TRAF6: variants seen among roughly 807,000 people sequenced by gnomAD.
The protein encoded by TRAF6 is TNF receptor-associated factor 6.
In TRAF6, 10 loss-of-function variants were observed where a neutral mutation model predicts 48.4. That is an observed-to-expected ratio of 0.21 (90% CI 0.13 to 0.35). The LOEUF (loss-of-function observed/expected upper bound fraction) is 0.35. Among genes scored for constraint, TRAF6 ranks in the 10% least tolerant of loss-of-function variants. The pLI is 1.00. For synonymous variants in TRAF6, 186 were observed against 219.6 expected (o/e 0.85, Z 1.35); for missense variants, 397 against 661.0 (o/e 0.60, Z 4.38).
rs1253562505 is a variant in TRAF6, at chr11:36,487,107, AAAC to A, written c.*2728_*2730del. 1.3e-5 allele frequency: 2 copies of A among 152,216 alleles called. No homozygotes were observed. The highest frequency in any genetic ancestry group is 2.4e-5 in the African/African-American group (1 of 41,444). The allele number at this position is 152,216 out of a possible 1,614,324, so 9.4% of individuals were successfully genotyped here. ...CTGTCTCAAAACAAAAAACAAAACA[AAAC>A]AACCTTTAGTTGAACATCTCCAGAA... On this transcript the variant is annotated 3_prime_UTR_variant, in exon 7 of 7. Transcript: ENST00000526995.
In TRAF6 at chr11:36,489,029, T is replaced by A. The variant is rs1291999276; in HGVS notation, c.*809A>T. On this transcript the variant is annotated 3_prime_UTR_variant, in exon 7 of 7. Coordinates refer to ENST00000526995, the MANE Select transcript of TRAF6 (RefSeq NM_004620.4). ...ACAAATGAAGACATATGCAGAGCTG[T>A]GAAATTCACTCTGCACTGAATAGAC... The A allele has an allele frequency of 6.6e-6, 1 of 152,220 alleles. No homozygotes were observed. The highest frequency in any genetic ancestry group is 1.5e-5 in the Non-Finnish European group (1 of 68,034). 9.4% of individuals were successfully genotyped at this position (152,220 alleles called of 1,614,324 possible). A position where few individuals can be genotyped will look rare whatever the true frequency, so the allele number is the denominator to read the frequency against.
At chr11:36,501,969 A>C (rs545325329) in intron 1 of TRAF6, among the ~76,000 whole-genome samples, 1 of 152,366 alleles carries the variant, frequency 6.6e-6, no homozygotes, top group South Asian at 2.1e-4. Flanking sequence ...TTTTTCATAC[A>C]GTAAGTGTTC....
chr11:36,509,249 C>T (rs1859860758), intron 1 of TRAF6, among the ~76,000 whole-genome samples: 1 of 152,186 alleles, frequency 6.6e-6, no homozygotes. Flanking sequence ...TACCATACAG[C>T]GAAGCTGCTA....
intron 1 of TRAF6, among the ~76,000 whole-genome samples, chr11:36,502,455 TG>T (rs1345758800): frequency 6.6e-6 from 1 of 152,146 alleles, no homozygotes; most frequent in Non-Finnish European, 1.5e-5. Context: ...TAACCACAAC[TG>T]TATTTTAAAT....
intron 1 of TRAF6, among the ~76,000 whole-genome samples, chr11:36,508,063 C>T (rs1859831766): frequency 6.6e-6 from 1 of 151,706 alleles, no homozygotes; most frequent in South Asian, 2.1e-4. Flanking sequence ...TGCCATATTG[C>T]CCAGGCTGGT....
intron 2 of TRAF6, 99 bp from the exon 3 acceptor site, chr11:36,498,739 C>T: frequency 7.8e-7 from 1 of 1,276,352 alleles, no homozygotes; most frequent in Non-Finnish European, 1.1e-6. Flanking sequence ...TTTACTGTTT[C>T]ATAAGTAAAA....
At position 36,491,404 on chromosome 11, in the gene TRAF6, A is replaced by C. The variant is rs184773090; in HGVS notation, c.757-754T>G. Among the ~76,000 whole-genome samples the C allele has an allele frequency of 3.1e-4, 47 of 152,272 alleles. 1 individual carries two copies. In the East Asian group the frequency reaches 6.2e-3, roughly 20 times the overall value. On this transcript the variant is annotated intron_variant, in intron 6 of 6. Coordinates refer to ENST00000526995, the MANE Select transcript of TRAF6 (RefSeq NM_004620.4). ...CTCACCTAACTTCCATTAACATTTT[A>C]TTTCTTTCTTTTTCTCTAAGCACAA... is the stretch of plus-strand genomic sequence containing the variant.
rs1484279028 is a variant in TRAF6 at position 36,493,083 on chromosome 11, A to G, written c.679-455T>C. 1.3e-5 allele frequency among the ~76,000 whole-genome samples: 2 copies of G among 152,160 alleles called. 1 individual carries two copies. The highest frequency in any genetic ancestry group is 1.3e-4 in the Admixed American group (2 of 15,272). ...AAAAATCATCTTTGACCACCTTTCA[A>G]CAATCTTCTTAACTTTTGTTAAGCT... On this transcript the variant is annotated intron_variant, in intron 5 of 6. Transcript: ENST00000526995.
rs1376075818 is a variant in TRAF6, at chr11:36,489,768, G to A, written c.*70C>T. On this transcript the variant is annotated 3_prime_UTR_variant, in exon 7 of 7. Coordinates refer to ENST00000526995, the MANE Select transcript of TRAF6 (RefSeq NM_004620.4). ...TTTCCCGTGGCTTGTTTGTTTGCATGTTATTGAGAACAGGGCAAGGAAAGG... is the reference window on the plus strand; with the variant it reads ...TTTCCCGTGGCTTGTTTGTTTGCATATTATTGAGAACAGGGCAAGGAAAGG... The A allele has an allele frequency of 3.4e-6, 5 of 1,461,090 alleles. No individual in the cohort carries two copies. In the African/African-American group the frequency reaches 5.7e-5, roughly 17 times the overall value. 90.5% of individuals were successfully genotyped at this position (1,461,090 alleles called of 1,614,324 possible). A position where few individuals can be genotyped will look rare whatever the true frequency, so the allele number is the denominator to read the frequency against.
At chr11:36,492,693 C>T (rs980874398) in intron 5 of TRAF6, 65 bp from the exon 6 acceptor site, 1 of 1,230,022 alleles carries the variant, frequency 8.1e-7, no homozygotes, top group Non-Finnish European at 1.2e-6. Flanking sequence ...TTGATGCGAT[C>T]ACATTTAAAC....
At position 36,484,919 on chromosome 11, in the gene TRAF6, A is replaced by G. The variant is rs139297790; in HGVS notation, c.*4919T>C. ...AATAAGACTGAAATTCAGCATAACA[A>G]ATTTGCAAAGTTTAAAATTAGCTTA... On this transcript the variant is annotated 3_prime_UTR_variant, in exon 7 of 7. Coordinates refer to ENST00000526995, the MANE Select transcript of TRAF6 (RefSeq NM_004620.4). Among the ~76,000 whole-genome samples, 772 of 152,308 alleles carry G rather than the reference A, an allele frequency of 5.1e-3. 9 individuals carry two copies. The highest frequency in any genetic ancestry group is 0.017 in the African/African-American group (717 of 41,558).
At chr11:36,508,080 C>T (rs967242527) in intron 1 of TRAF6, among the ~76,000 whole-genome samples, 2 of 151,790 alleles carry the variant, frequency 1.3e-5, no homozygotes, top group African/African-American at 4.8e-5. Context: ...TGGTCTCAAG[C>T]TATCCTCCCA....
At chr11:36,499,472 C>G (rs1193091373) in intron 2 of TRAF6, among the ~76,000 whole-genome samples, 2 of 152,056 alleles carry the variant, frequency 1.3e-5, no homozygotes, top group African/African-American at 4.8e-5. Flanking sequence ...AGACCACTGT[C>G]CCACTACTTT....
chr11:36,509,837 G>A (rs1859879632), intron 1 of TRAF6, among the ~76,000 whole-genome samples: 1 of 151,764 alleles, frequency 6.6e-6, no homozygotes, highest in Non-Finnish European at 1.5e-5. Flanking sequence ...CAGGGGCGGC[G>A]TCCCCGACCC....
At chr11:36,497,923 C>T (rs532749909) in intron 3 of TRAF6, among the ~76,000 whole-genome samples, 5 of 147,772 alleles carry the variant, frequency 3.4e-5, no homozygotes, top group South Asian at 4.3e-4. Flanking sequence ...CTCGCTCTGT[C>T]GCCCAGGCTG....
Position 36,510,188 on chromosome 11 carries a change from A to T in TRAF6, c.-163T>A, listed in dbSNP as rs1335127808. 6.6e-6 allele frequency: 1 copy of T among 152,236 alleles called. No homozygotes were observed. Among genetic ancestry groups the T allele is most frequent in the Non-Finnish European group, 1.5e-5 (1 of 68,188 alleles). 9.4% of individuals were successfully genotyped at this position (152,236 alleles called of 1,614,324 possible). A position where few individuals can be genotyped will look rare whatever the true frequency, so the allele number is the denominator to read the frequency against. ...AGGCTGCTTGGACGGCAAACTCTGG[A>T]TCCAGTGGGAGCCTTCGCCACCTTC... is the stretch of plus-strand genomic sequence containing the variant. On this transcript the variant is annotated 5_prime_UTR_variant, in exon 1 of 7. Transcript: ENST00000526995.
rs764182670 is a variant in TRAF6, at chr11:36,488,235, C to T, written c.*1603G>A. 1.8e-4 allele frequency: 24 copies of T among 136,740 alleles called. No homozygotes were observed. The highest frequency in any genetic ancestry group is 3.2e-4 in the African/African-American group (12 of 37,382). The allele number at this position is 136,740 out of a possible 1,614,324, so 8.5% of individuals were successfully genotyped here. A position where few individuals can be genotyped will look rare whatever the true frequency, so the allele number is the denominator to read the frequency against. Reference sequence around the variant, plus strand: ...TGAGCTTGTGGTACTAATGGTGGCACGGGAAACAAGGTCTCTGCTTGACTT... The same window carrying T: ...TGAGCTTGTGGTACTAATGGTGGCATGGGAAACAAGGTCTCTGCTTGACTT... On this transcript the variant is annotated 3_prime_UTR_variant, in exon 7 of 7. Coordinates refer to ENST00000526995, the MANE Select transcript of TRAF6 (RefSeq NM_004620.4).
chr11:36,499,758 A>G (rs530494925), intron 2 of TRAF6, among the ~76,000 whole-genome samples: 108 of 151,534 alleles, frequency 7.1e-4, no homozygotes, highest in African/African-American at 2.6e-3. Flanking sequence ...TTACTCTTAA[A>G]TTCAAGTTTT....
At chr11:36,497,818 C>G (rs1339177961) in intron 3 of TRAF6, among the ~76,000 whole-genome samples, 1 of 151,016 alleles carries the variant, frequency 6.6e-6, no homozygotes, top group Non-Finnish European at 1.5e-5. Flanking sequence ...GAGATGATTA[C>G]TTGGGAATTA....
Sources: gnomAD v4.1 joint callset for allele counts (sites outside exome capture counted in the v4.1 genomes callset) on GRCh38, gnomAD v4.1.1 for gene constraint, MANE v1.5 for transcripts, NCBI Gene and HGNC (gene_info 2026-07-23, HGNC 2026-07-21) for gene names.